The following AKAP13 variants were observed in gnomAD, a reference collection of about 807,000 sequenced individuals.
AKAP13 encodes A-kinase anchoring protein 13, also known as A-kinase anchor protein 13.
Under a neutral mutation model 264.5 loss-of-function variants are expected in AKAP13, and 80 were observed. The observed-to-expected ratio is 0.30, with a 90% CI of 0.25 to 0.36. The LOEUF is 0.36. Ranked by LOEUF, AKAP13 falls within the 10% of genes least tolerant of loss-of-function variation. AKAP13 has a pLI of 1.00. For missense variants in AKAP13, 3,712 were observed against 3,435.2 expected (o/e 1.08, Z -2.01); for synonymous variants, 1,380 against 1,250.2 (o/e 1.10, Z -2.19).
intron 1 of AKAP13, among the ~76,000 whole-genome samples, chr15:85,471,936 GA>G (rs1288016969): frequency 6.6e-6 from 1 of 152,108 alleles, no homozygotes; most frequent in African/African-American, 2.4e-5. Context: ...CAGTTTGGGG[GA>G]AAGTTGACAT....
At chr15:85,596,599 A>AC (rs1237993384) in intron 8 of AKAP13, among the ~76,000 whole-genome samples, 1 of 152,010 alleles carries the variant, frequency 6.6e-6, no homozygotes, top group East Asian at 1.9e-4. Context: ...AAAATAAAAA[A>AC]CCTAGTCACT....
At chr15:85,720,074 A>G (rs954312206) in intron 23 of AKAP13, among the ~76,000 whole-genome samples, 3 of 152,140 alleles carry the variant, frequency 2.0e-5, no homozygotes, top group Non-Finnish European at 4.4e-5. Context: ...CTACAAAAAA[A>G]AGTGAAAAAA....
At chr15:85,669,900 C>G (rs2083820489) in intron 14 of AKAP13, 70 bp downstream of exon 14, 4 of 1,205,438 alleles carry the variant, frequency 3.3e-6, no homozygotes, top group Non-Finnish European at 4.7e-6. Flanking sequence ...ATTTTTCTCA[C>G]TTTAAGGCCC....
Position 85,693,330 on chromosome 15 carries a change from C to T in AKAP13, c.5343C>T (p.Asp1781=). 6.2e-7 allele frequency: 1 copy of T among 1,611,404 alleles called. No homozygotes were observed. Among genetic ancestry groups the T allele is most frequent in the South Asian group, 1.1e-5 (1 of 90,278 alleles). ...AGGAGAAGGAGAAAGATTCTAAAGA[C>T]AAGGAGAAAGATAAGAAGACTGTCA... ...KIKEKEKDSK[D]KEKDKKTVNG... is the part of the protein sequence containing the mutation. Residue 1781 remains aspartate, a synonymous_variant, in exon 17 of 37, where the codon GAC becomes GAT. Transcript: ENST00000394518.
intron 5 of AKAP13, among the ~76,000 whole-genome samples, chr15:85,562,383 G>T (rs1385573741): frequency 1.3e-5 from 2 of 151,240 alleles, no homozygotes; most frequent in Non-Finnish European, 2.9e-5. Context: ...TGGCCAACAT[G>T]GCGAAACCCC....
intron 1 of AKAP13, among the ~76,000 whole-genome samples, chr15:85,383,962 A>G (rs1005748414): frequency 1.3e-5 from 2 of 152,234 alleles, no homozygotes; most frequent in African/African-American, 2.4e-5. Flanking sequence ...TAAAGGTGAC[A>G]CCATTTACAG....
intron 1 of AKAP13, among the ~76,000 whole-genome samples, chr15:85,403,788 C>T (rs1256841548): frequency 6.7e-6 from 1 of 148,928 alleles, no homozygotes; most frequent in Non-Finnish European, 1.5e-5. Flanking sequence ...AAGCGATTCT[C>T]AGTGAGCCTA....
chr15:85,513,377 T>A (rs1292030610), intron 2 of AKAP13, among the ~76,000 whole-genome samples: 2 of 152,212 alleles, frequency 1.3e-5, no homozygotes, highest in East Asian at 3.9e-4. Flanking sequence ...GGTTTTACAA[T>A]TTTTTATTTT....
At chr15:85,616,230 G>A (rs1226057666) in intron 8 of AKAP13, among the ~76,000 whole-genome samples, 1 of 152,162 alleles carries the variant, frequency 6.6e-6, no homozygotes, top group Non-Finnish European at 1.5e-5. Flanking sequence ...ACTTTGCTGT[G>A]AGACTCCAGA....
intron 1 of AKAP13, among the ~76,000 whole-genome samples, chr15:85,448,502 T>G (rs1295114416): frequency 6.6e-6 from 1 of 152,222 alleles, no homozygotes; most frequent in Non-Finnish European, 1.5e-5. Context: ...GATTTGGGTT[T>G]TACATTTAAG....
intron 3 of AKAP13, among the ~76,000 whole-genome samples, chr15:85,532,154 C>G (rs939630472): frequency 6.6e-6 from 1 of 152,186 alleles, no homozygotes; most frequent in Non-Finnish European, 1.5e-5. Flanking sequence ...GTGCTAGGTA[C>G]TTGCTTGGTA....
Position 85,717,276 on chromosome 15 carries a change from T to C in AKAP13, c.5736-14T>C. 2 of 1,558,280 alleles carry C rather than the reference T, an allele frequency of 1.3e-6. No homozygotes were observed. Among genetic ancestry groups the C allele is most frequent in the Non-Finnish European group, 1.8e-6 (2 of 1,135,290 alleles). ...GAATGTATTTGACAGTATGTATTTT[T>C]CTTTTGTCCCCAGAGTTGGCAATGA... On this transcript the variant is annotated splice_polypyrimidine_tract_variant and intron_variant, in intron 20 of 36. Coordinates refer to ENST00000394518, the MANE Select transcript of AKAP13 (RefSeq NM_007200.5).
chr15:85,646,846 T>G (rs973368373), intron 10 of AKAP13, among the ~76,000 whole-genome samples: 1 of 152,216 alleles, frequency 6.6e-6, no homozygotes, highest in Non-Finnish European at 1.5e-5. Context: ...TTTGCTTATA[T>G]TTGTTTCTAG....
intron 1 of AKAP13, among the ~76,000 whole-genome samples, chr15:85,432,946 A>G (rs1455020621): frequency 6.6e-6 from 1 of 150,896 alleles, no homozygotes; most frequent in African/African-American, 2.4e-5. Flanking sequence ...TGGAAAATAT[A>G]GAAAGAAAAA....
chr15:85,495,163 A>G (rs2075835416), intron 2 of AKAP13, among the ~76,000 whole-genome samples: 1 of 152,234 alleles, frequency 6.6e-6, no homozygotes, highest in African/African-American at 2.4e-5. Flanking sequence ...ATGGTTACAC[A>G]TTAGCTCTGG....
intron 1 of AKAP13, among the ~76,000 whole-genome samples, chr15:85,388,883 A>G (rs567770942): frequency 2.0e-5 from 3 of 152,342 alleles, no homozygotes; most frequent in Middle Eastern, 6.8e-3. Context: ...AGTTATTTCA[A>G]ACACAAGAAC....
intron 5 of AKAP13, among the ~76,000 whole-genome samples, chr15:85,546,748 TTTTTC>T (rs1418856378): frequency 6.6e-6 from 1 of 151,864 alleles, no homozygotes; most frequent in African/African-American, 2.4e-5. Context: ...TTTTTTTTTT[TTTTTC>T]TTTTCTTTGA....
rs567101385 is a variant in AKAP13, at chr15:85,582,922, C to T, written c.4039+815C>T. The stretch of plus-strand genomic sequence containing the variant: ...CTGAGCAGATTGCTCACACAGCAGC[C>T]TGTTCCATCTGTGGGTAACCATGTT... On this transcript the variant is annotated intron_variant, in intron 7 of 36. Transcript: ENST00000394518. 7 of 985,488 alleles carry T rather than the reference C, an allele frequency of 7.1e-6. No homozygotes were observed. The South Asian group carries it at 3.3e-4, about 46-fold the overall frequency. 61.0% of individuals were successfully genotyped at this position (985,488 alleles called of 1,614,324 possible). A position where few individuals can be genotyped will look rare whatever the true frequency, so the allele number is the denominator to read the frequency against.
At chr15:85,471,484 G>A (rs2151023269) in intron 1 of AKAP13, among the ~76,000 whole-genome samples, 1 of 152,280 alleles carries the variant, frequency 6.6e-6, no homozygotes, top group African/African-American at 2.4e-5. Context: ...GACAGAGTGA[G>A]ACTCCGTCTC....
Sources: allele counts gnomAD v4.1 joint callset (sites outside exome capture counted in the v4.1 genomes callset), GRCh38; gene constraint gnomAD v4.1.1; transcripts MANE v1.5; gene names NCBI Gene and HGNC (gene_info 2026-07-23, HGNC 2026-07-21).